The following MIGA1 variants were observed in gnomAD, a reference collection of about 807,000 sequenced individuals.
MIGA1 encodes the protein family with sequence similarity 73, member A.
MIGA1 carries 58 observed loss-of-function variants against 82.0 expected under a neutral mutation model. The observed-to-expected ratio is 0.71, with a 90% CI of 0.57 to 0.88. The LOEUF (loss-of-function observed/expected upper bound fraction) is 0.88, where lower values mean the gene tolerates loss of function less well. Among genes scored for constraint, MIGA1 ranks in the 40% least tolerant of loss-of-function variants. MIGA1 has a pLI of 0.00. For missense variants in MIGA1, 751 were observed against 749.1 expected (o/e 1.00, Z -0.03); for synonymous variants, 249 against 253.6 (o/e 0.98, Z 0.17).
chr1:77,856,076 G>A (rs369248285), intron 8 of MIGA1, among the ~76,000 whole-genome samples: 4 of 152,040 alleles, frequency 2.6e-5, no homozygotes, highest in African/African-American at 7.2e-5. Flanking sequence ...CTTGTATGCC[G>A]ATTTTTCTGA....
intron 2 of MIGA1, among the ~76,000 whole-genome samples, chr1:77,785,448 A>G (rs1682116347): frequency 1.3e-5 from 2 of 151,872 alleles, no homozygotes; most frequent in African/African-American, 4.8e-5. Flanking sequence ...AGTTCAAGCG[A>G]TTCTCCTGCC....
chr1:77,851,966 C>T (rs1258809800), intron 8 of MIGA1, among the ~76,000 whole-genome samples: 1 of 146,938 alleles, frequency 6.8e-6, no homozygotes, highest in African/African-American at 2.5e-5. Context: ...AACCTTGCAA[C>T]CTCTACCTCC....
chr1:77,809,286 A>C (rs576231649), intron 5 of MIGA1, among the ~76,000 whole-genome samples: 1 of 152,288 alleles, frequency 6.6e-6, no homozygotes, highest in South Asian at 2.1e-4. Flanking sequence ...TCTCTTTATA[A>C]AATTGAAGAC....
rs1360760634 is a variant in MIGA1, at chr1:77,801,467, A to G, written c.332A>G (p.His111Arg). The stretch of plus-strand genomic sequence containing the variant: ...AAAATATTACCATGGGAACCAGAGC[A>G]CCTCATACTTGAATACACTAAAAGA... Residue 111 changes from histidine (H) to arginine (R), a missense_variant, in exon 3 of 16, where the codon CAC becomes CGC. Physicochemically the swap from His to Arg is conservative, Grantham distance 29. Around this residue, in one of 3 missense-constraint regions of MIGA1, gnomAD observed 482 missense variants for 439.4 expected, o/e 1.10. Coordinates refer to ENST00000370791, the MANE Select transcript of MIGA1 (RefSeq NM_198549.4). 6.2e-7 allele frequency: 1 copy of G among 1,606,150 alleles called. No individual in the cohort carries two copies. The highest frequency in any genetic ancestry group is 1.3e-5 in the African/African-American group (1 of 74,616).
At position 77,868,919 on chromosome 1, in the gene MIGA1, C is replaced by CT. The variant is rs915584953; in HGVS notation, c.1563+2539dup. ...AATTAAATAGAAACTAGCACATTTT[C>CT]TTTTTTTTTTTAATTTATTTATTTT... On this transcript the variant is annotated intron_variant, in intron 14 of 15. Coordinates refer to ENST00000370791, the MANE Select transcript of MIGA1 (RefSeq NM_198549.4). Among the ~76,000 whole-genome samples, 1,034 of 136,142 alleles carry CT rather than the reference C, an allele frequency of 7.6e-3. 12 individuals are homozygous for CT. The highest frequency in any genetic ancestry group is 0.026 in the African/African-American group (965 of 37,018). The allele number at this position is 136,142 out of a possible 152,430, so 89.3% of individuals were successfully genotyped here.
Position 77,873,129 on chromosome 1 carries a change from A to G in MIGA1, c.1680+9A>G. ...TATGTTGCTTTTTTAAGGTATGTTCAGTCATTGAATCATTTCTCTTTTTTT... is the reference window on the plus strand; with the variant it reads ...TATGTTGCTTTTTTAAGGTATGTTCGGTCATTGAATCATTTCTCTTTTTTT... On this transcript the variant is annotated intron_variant, in intron 15 of 15. Coordinates refer to ENST00000370791, the MANE Select transcript of MIGA1 (RefSeq NM_198549.4). 1 of 1,604,772 alleles carries G rather than the reference A, an allele frequency of 6.2e-7. No individual in the cohort carries two copies.
intron 7 of MIGA1, 122 bp downstream of exon 7, chr1:77,815,353 C>A: frequency 1.4e-6 from 1 of 720,328 alleles, no homozygotes; most frequent in Non-Finnish European, 1.9e-6. Flanking sequence ...ATAAACTAGC[C>A]AAGAGAAAAA....
At chr1:77,811,044 G>T in intron 5 of MIGA1, 2 of 1,613,404 alleles carry the variant, frequency 1.2e-6, no homozygotes, top group Non-Finnish European at 1.7e-6. Flanking sequence ...TTTTAGGCTT[G>T]TAGGGTTTGA....
chr1:77,830,081 A>G (rs1487297191), intron 7 of MIGA1, among the ~76,000 whole-genome samples: 1 of 152,132 alleles, frequency 6.6e-6, no homozygotes, highest in Non-Finnish European at 1.5e-5. Flanking sequence ...TGTCATGACT[A>G]TTCTTAGCCC....
At chr1:77,861,669 G>T (rs894135782) in intron 12 of MIGA1, 1 of 200,998 alleles carries the variant, frequency 5.0e-6, no homozygotes, top group Non-Finnish European at 1.0e-5. Context: ...TACAACAGCA[G>T]CAGCTCAGTA....
chr1:77,835,537 A>G (rs1290037532), intron 7 of MIGA1, among the ~76,000 whole-genome samples: 2 of 152,212 alleles, frequency 1.3e-5, no homozygotes, highest in Non-Finnish European at 2.9e-5. Flanking sequence ...GTTTGGGGAA[A>G]GCTTTTTAAA....
chr1:77,860,864 A>G (rs957452559), intron 11 of MIGA1: 51 of 202,676 alleles, frequency 2.5e-4, no homozygotes, highest in African/African-American at 1.2e-3. Context: ...TGGCCTTCTC[A>G]TGACAGATAA....
chr1:77,817,720 C>T (rs1356057656), intron 7 of MIGA1, among the ~76,000 whole-genome samples: 2 of 152,158 alleles, frequency 1.3e-5, no homozygotes, highest in African/African-American at 4.8e-5. Context: ...AGTTAACTCT[C>T]CTCATTCTTT....
chr1:77,780,265 T>G (rs1681847856), intron 1 of MIGA1: 13 of 680,638 alleles, frequency 1.9e-5, no homozygotes, highest in Non-Finnish European at 2.4e-5. Flanking sequence ...CTTTTGGATG[T>G]GAAAGATTAC....
At chr1:77,846,320 A>G (rs1212651641) in intron 8 of MIGA1, among the ~76,000 whole-genome samples, 1 of 152,100 alleles carries the variant, frequency 6.6e-6, no homozygotes, top group African/African-American at 2.4e-5. Context: ...ATACCTTCCC[A>G]TTTTACTCCT....
intron 7 of MIGA1, among the ~76,000 whole-genome samples, chr1:77,825,395 T>C (rs947627659): frequency 1.3e-5 from 2 of 152,146 alleles, no homozygotes; most frequent in African/African-American, 4.8e-5. Flanking sequence ...AATGAAAACG[T>C]TTTCCTTATT....
chr1:77,836,658 T>A (rs1455287746), intron 7 of MIGA1, among the ~76,000 whole-genome samples: 1 of 152,180 alleles, frequency 6.6e-6, no homozygotes, highest in East Asian at 1.9e-4. Context: ...TATCCTCAGT[T>A]TACGTAGGTG....
At chr1:77,871,141 G>GGAGAGGGAGAGT (rs1405280877) in intron 14 of MIGA1, among the ~76,000 whole-genome samples, 1 of 148,712 alleles carries the variant, frequency 6.7e-6, no homozygotes, top group Non-Finnish European at 1.5e-5. Context: ...AGAGGGAGAG[G>GGAGAGGGAGAGT]GCAGCACATT....
chr1:77,874,379 AC>A (rs1359264578), intron 15 of MIGA1, among the ~76,000 whole-genome samples: 3 of 152,034 alleles, frequency 2.0e-5, no homozygotes, highest in African/African-American at 7.2e-5. Flanking sequence ...TAAAATTATA[AC>A]GTATTATTTT....
Sources: gnomAD v4.1 joint callset for allele counts (sites outside exome capture counted in the v4.1 genomes callset) on GRCh38, gnomAD v4.1.1 for gene constraint, gnomAD v4.1.1 regional missense constraint, MANE v1.5 for transcripts, NCBI Gene and HGNC (gene_info 2026-07-23, HGNC 2026-07-21) for gene names.